The following DEPDC5 variants were observed in gnomAD, a reference collection of about 807,000 sequenced individuals.
DEPDC5 encodes the protein DEP domain containing 5, GATOR1 subcomplex subunit, also known as GATOR1 complex protein DEPDC5.
In DEPDC5, 73 loss-of-function variants were observed where a neutral mutation model predicts 217.3. The ratio of observed to expected loss-of-function variants is 0.34; its 90% CI spans 0.28 to 0.41. The LOEUF (loss-of-function observed/expected upper bound fraction) is 0.41, where lower values mean the gene tolerates loss of function less well. DEPDC5 is among the 10% of genes least tolerant of loss of function. DEPDC5 has a pLI of 1.00. For synonymous variants in DEPDC5, 733 were observed against 756.7 expected, an observed-to-expected ratio of 0.97 and a Z score of 0.51; for missense variants, 1,675 against 2,070.1, an observed-to-expected ratio of 0.81 and a Z score of 3.70.
Position 31,873,322 on chromosome 22 carries a change from A to C in DEPDC5, c.3553A>C (p.Lys1185Gln). The C allele has an allele frequency of 6.2e-7, 1 of 1,613,886 alleles. No individual in the cohort carries two copies. The highest frequency in any genetic ancestry group is 8.5e-7 in the Non-Finnish European group (1 of 1,179,830). ...STLTEILEAM[K>Q]HPSTGVQLLS... ...CCTGACAGAGATCCTGGAAGCCATG[A>C]AGCACCCCTCGTAAGTGGCTCACCA... Residue 1185 changes from lysine (K) to glutamine (Q), a missense_variant, in exon 35 of 43, where the codon AAG becomes CAG. By Grantham distance (53) the Lys-to-Gln change is moderately conservative. This residue lies in a region of DEPDC5 where 194 missense variants were observed against 199.3 expected (regional missense o/e 0.97). Transcript: ENST00000651528.
chr22:31,876,809 T>G (rs556012166), intron 37 of DEPDC5, among the ~76,000 whole-genome samples: 4 of 152,170 alleles, frequency 2.6e-5, no homozygotes, highest in African/African-American at 7.2e-5. Flanking sequence ...AGGGAAAACT[T>G]TTTTAGCGTG....
intron 32 of DEPDC5, chr22:31,858,429 A>G (rs1032607327): frequency 6.6e-6 from 1 of 152,204 alleles, no homozygotes; most frequent in Non-Finnish European, 1.5e-5. Context: ...GATTCAGATC[A>G]TTCTGTTGTG....
intron 27 of DEPDC5, among the ~76,000 whole-genome samples, chr22:31,842,144 T>A (rs1376041326): frequency 1.3e-5 from 2 of 152,242 alleles, no homozygotes; most frequent in Non-Finnish European, 1.5e-5. Flanking sequence ...GTGACAGATA[T>A]ACGCACAAGG....
chr22:31,849,103 T>G (rs1455187060), intron 31 of DEPDC5, among the ~76,000 whole-genome samples: 1 of 152,210 alleles, frequency 6.6e-6, no homozygotes, highest in African/African-American at 2.4e-5. Flanking sequence ...CACATCTTCC[T>G]GTCTTTTGAG....
In DEPDC5 at chr22:31,873,300, G is replaced by A. The variant is rs117667178; in HGVS notation, c.3531G>A (p.Leu1177=). The A allele has an allele frequency of 3.7e-6, 6 of 1,613,966 alleles. No homozygotes were observed. The East Asian group carries it at 6.7e-5, about 18-fold the overall frequency. The change falls in exon 35 of 43, where the codon CTG becomes CTA. Residue 1177 remains leucine (L), a synonymous_variant. Transcript: ENST00000651528. ...VASSLTSSST[L]TEILEAMKHP... ...GCTCCTTGACCTCATCCTCTACCCT[G>A]ACAGAGATCCTGGAAGCCATGAAGC... is the stretch of plus-strand genomic sequence containing the variant.
intron 36 of DEPDC5, chr22:31,875,171 C>T (rs1220284096): frequency 1.2e-5 from 2 of 167,008 alleles, no homozygotes; most frequent in Non-Finnish European, 1.5e-5. Context: ...TTTGAAAAAG[C>T]ATGTGATTCT....
chr22:31,773,123 A>G (rs1172168872), intron 7 of DEPDC5, among the ~76,000 whole-genome samples: 2 of 152,070 alleles, frequency 1.3e-5, no homozygotes, highest in African/African-American at 4.8e-5. Context: ...CTATGTAAAT[A>G]CCCTCATACA....
rs185573357 is a variant in DEPDC5 at position 31,771,613 on chromosome 22, G to A, written c.413+2750G>A. On this transcript the variant is annotated intron_variant, in intron 7 of 42. Transcript: ENST00000651528. ...CCTGTGCCTGTAGTCCCAGCTACTC[G>A]GGAGGCTGAGGCAGGAGAATCGCTT... Among the ~76,000 whole-genome samples the A allele has an allele frequency of 2.0e-5, 3 of 151,732 alleles. No homozygotes were observed. In the Admixed American group the frequency reaches 2.0e-4, roughly 10 times the overall value.
chr22:31,874,177 G>A, intron 35 of DEPDC5, 96 bp from the exon 36 acceptor site: 1 of 1,495,768 alleles, frequency 6.7e-7, no homozygotes, highest in Non-Finnish European at 9.1e-7. Context: ...GGTATTAAAT[G>A]CTCTAGTGGG....
At chr22:31,778,990 A>G (rs1393641291) in intron 8 of DEPDC5, among the ~76,000 whole-genome samples, 2 of 152,230 alleles carry the variant, frequency 1.3e-5, no homozygotes, top group Middle Eastern at 3.4e-3. Flanking sequence ...TCCAGAGCAA[A>G]GAGTTATCTG....
intron 24 of DEPDC5, among the ~76,000 whole-genome samples, chr22:31,824,427 A>G (rs946603422): frequency 1.3e-5 from 2 of 152,170 alleles, no homozygotes; most frequent in Admixed American, 1.3e-4. Context: ...ATTCATTGGT[A>G]GGTTCATCCA....
intron 30 of DEPDC5, among the ~76,000 whole-genome samples, chr22:31,845,863 C>CTTT (rs113308736): frequency 7.2e-6 from 1 of 138,326 alleles, no homozygotes; most frequent in African/African-American, 2.7e-5. Flanking sequence ...TCATGCTAGT[C>CTTT]TTTTTTTTTT....
chr22:31,774,543 G>A (rs1293092817), intron 7 of DEPDC5, among the ~76,000 whole-genome samples: 1 of 150,450 alleles, frequency 6.6e-6, no homozygotes, highest in South Asian at 2.2e-4. Context: ...GGGTTCTGAC[G>A]ATTATAAGCA....
chr22:31,793,768 G>A (rs1194603241), intron 12 of DEPDC5, among the ~76,000 whole-genome samples: 5 of 151,816 alleles, frequency 3.3e-5, no homozygotes, highest in African/African-American at 1.2e-4. Context: ...GATGGGGTTC[G>A]CCATGTTGGC....
chr22:31,779,136 G>A (rs565530064), intron 8 of DEPDC5, among the ~76,000 whole-genome samples: 8 of 152,170 alleles, frequency 5.3e-5, no homozygotes, highest in Non-Finnish European at 1.2e-4. Flanking sequence ...ATGACAGCCA[G>A]AAATTTCTCC....
chr22:31,795,672 A>G (rs2086161178), intron 12 of DEPDC5, among the ~76,000 whole-genome samples: 1 of 150,990 alleles, frequency 6.6e-6, no homozygotes, highest in East Asian at 2.0e-4. Flanking sequence ...GGCATGAGCC[A>G]CCACGCCTGA....
At chr22:31,897,383 T>C (rs1344248394) in intron 39 of DEPDC5, 99 bp from the exon 40 acceptor site, 27 of 1,443,858 alleles carry the variant, frequency 1.9e-5, no homozygotes, top group Admixed American at 4.3e-5. Flanking sequence ...CAAATCAATA[T>C]GCATGCTGCC....
intron 38 of DEPDC5, among the ~76,000 whole-genome samples, chr22:31,892,135 AT>A (rs1306608285): frequency 6.6e-6 from 1 of 152,138 alleles, no homozygotes; most frequent in African/African-American, 2.4e-5. Flanking sequence ...CTGTTTGCCC[AT>A]TGTGTTTCTT....
chr22:31,806,299 T>A, intron 18 of DEPDC5, 108 bp downstream of exon 18: 1 of 952,422 alleles, frequency 1.0e-6, no homozygotes, highest in Non-Finnish European at 1.6e-6. Flanking sequence ...AGTGTTGGGA[T>A]TACAGACATG....
Sources: gnomAD v4.1 joint callset for allele counts (sites outside exome capture counted in the v4.1 genomes callset) on GRCh38, gnomAD v4.1.1 for gene constraint, gnomAD v4.1.1 regional missense constraint, MANE v1.5 for transcripts, NCBI Gene and HGNC (gene_info 2026-07-23, HGNC 2026-07-21) for gene names.